Variants in KIRREL3 observed in about 807,000 individuals in gnomAD.
KIRREL3 encodes the protein kirre like nephrin family adhesion molecule 3.
A neutral mutation model predicts 89.7 loss-of-function variants in KIRREL3; 36 were observed. The observed-to-expected ratio is 0.40, with a 90% CI of 0.31 to 0.53. The LOEUF is 0.53. Among genes scored for constraint, KIRREL3 ranks in the 20% least tolerant of loss-of-function variants. The probability of loss-of-function intolerance (pLI) is 0.49; values close to 1 mark genes in which losing one functional copy is unlikely to be tolerated. For missense variants in KIRREL3, 864 were observed against 1,056.6 expected (o/e 0.82, Z 2.53); for synonymous variants, 445 against 441.4 (o/e 1.01, Z -0.10).
chr11:126,758,897 T>C (rs895725724), intron 1 of KIRREL3, among the ~76,000 whole-genome samples: 1 of 152,162 alleles, frequency 6.6e-6, no homozygotes, highest in African/African-American at 2.4e-5. Context: ...ATGAGACCTC[T>C]TGGAATTAGA....
rs1445599167 is a variant in KIRREL3, at chr11:126,729,284, C to G, written c.56-166372G>C. Among the ~76,000 whole-genome samples the G allele has an allele frequency of 6.6e-6, 1 of 152,118 alleles. No homozygotes were observed. The highest frequency in any genetic ancestry group is 1.5e-5 in the Non-Finnish European group (1 of 68,024). The stretch of plus-strand genomic sequence containing the variant: ...AGAAACAAGCACGCTGGCTTAACAA[C>G]AAATCTAATTCTTTTAGGGAAAAGA... On this transcript the variant is annotated intron_variant, in intron 1 of 16. Transcript: ENST00000525144. This position sits in a 1 kb window ranked among gnomAD's most constrained non-coding sequence, Gnocchi z 4.5.
chr11:126,702,227 C>T (rs1249146600), intron 1 of KIRREL3, among the ~76,000 whole-genome samples: 1 of 152,122 alleles, frequency 6.6e-6, no homozygotes, highest in African/African-American at 2.4e-5. Context: ...ATGTAAAATG[C>T]CTAGCAGGGG....
rs1402938592 is a variant in KIRREL3 at position 126,891,528 on chromosome 11, C to G, written c.55+108927G>C. Among the ~76,000 whole-genome samples, 1 of 152,190 alleles carries G rather than the reference C, an allele frequency of 6.6e-6. No homozygotes were observed. Among genetic ancestry groups the G allele is most frequent in the Non-Finnish European group, 1.5e-5 (1 of 68,040 alleles). ...CCACAGTCCCTGCCATGGATGGATT[C>G]CTTGGAAAGAGATGCACAGGGTGCT... On this transcript the variant is annotated intron_variant, in intron 1 of 16. Transcript: ENST00000525144. The surrounding 1 kb of genome is among the most constrained non-coding windows in gnomAD (Gnocchi z 5.1).
chr11:126,840,152 A>C (rs1414843252), intron 1 of KIRREL3, among the ~76,000 whole-genome samples: 2 of 152,230 alleles, frequency 1.3e-5, no homozygotes, highest in Non-Finnish European at 2.9e-5. Context: ...GGAGATGCAG[A>C]GTTTGAGCAC....
At chr11:126,625,405 AG>A (rs1943741356) in intron 1 of KIRREL3, among the ~76,000 whole-genome samples, 1 of 152,296 alleles carries the variant, frequency 6.6e-6, no homozygotes, top group Admixed American at 6.5e-5. Flanking sequence ...GGTCGTTGTA[AG>A]GAATAAATTA....
rs1206779606 is a variant in KIRREL3, at chr11:126,904,396, T to A, written c.55+96059A>T. 1.7e-4 allele frequency among the ~76,000 whole-genome samples: 26 copies of A among 152,224 alleles called. No individual in the cohort carries two copies. The highest frequency in any genetic ancestry group is 1.7e-3 in the Admixed American group (26 of 15,288). On this transcript the variant is annotated intron_variant, in intron 1 of 16. Transcript: ENST00000525144. The surrounding 1 kb of genome is among the most constrained non-coding windows in gnomAD (Gnocchi z 4.4). ...TCTTGATGTTTACTGCATCTCTGAC[T>A]GCAATAAGACTGATCACTAGTGGGG...
intron 4 of KIRREL3, among the ~76,000 whole-genome samples, chr11:126,481,464 GTCCACGGGCCT>G (rs1217736960): frequency 3.3e-5 from 5 of 152,180 alleles, no homozygotes; most frequent in Non-Finnish European, 5.9e-5. Flanking sequence ...TGACCCAACT[GTCCACGGGCCT>G]TCGAAGCTCA....
chr11:126,851,556 G>A lies in KIRREL3; in HGVS notation c.55+148899C>T, dbSNP rs538194561. The stretch of plus-strand genomic sequence containing the variant: ...CTCCCCGACTCTTACGCCACACAGC[G>A]TGTTTCAGACAGAGAGAACATCTCG... On this transcript the variant is annotated intron_variant, in intron 1 of 16. Coordinates refer to ENST00000525144, the MANE Select transcript of KIRREL3 (RefSeq NM_032531.4). Among the ~76,000 whole-genome samples the A allele has an allele frequency of 3.9e-5, 6 of 152,280 alleles. No individual in the cohort carries two copies. In the East Asian group the frequency reaches 5.8e-4, roughly 15 times the overall value.
intron 2 of KIRREL3, among the ~76,000 whole-genome samples, chr11:126,536,265 CTG>C (rs149581318): frequency 0.16 from 24,509 of 149,678 alleles, 2,106 homozygotes; most frequent in Middle Eastern, 0.21. Context: ...GTGTGTGTGT[CTG>C]TGTGTGTGTG....
chr11:126,799,348 ATCTCTGTGTGTATCTGTG>A (rs1950934172), intron 1 of KIRREL3, among the ~76,000 whole-genome samples: 1 of 60,500 alleles, frequency 1.7e-5, no homozygotes, highest in Non-Finnish European at 3.6e-5. Context: ...GCATGTGTGT[ATCTCTGTGTGTATCTGTG>A]TATCTGTGTG....
chr11:126,737,610 T>C (rs930299723), intron 1 of KIRREL3, among the ~76,000 whole-genome samples: 9 of 152,168 alleles, frequency 5.9e-5, no homozygotes, highest in African/African-American at 1.9e-4. Context: ...AGTGAGAGAC[T>C]CTCGAGACAC....
rs569207672 is a variant in KIRREL3, at chr11:126,601,305, C to T, written c.56-38393G>A. Among the ~76,000 whole-genome samples, 25 of 152,272 alleles carry T rather than the reference C, an allele frequency of 1.6e-4. No individual in the cohort carries two copies. Among genetic ancestry groups the T allele is most frequent in the Admixed American group, 1.2e-3 (18 of 15,294 alleles). ...GAAAACAACTGGCAGAGAGACTGAGCGGCAGCCGTGGGCATCTTGGGTTTT... is the reference window on the plus strand; with the variant it reads ...GAAAACAACTGGCAGAGAGACTGAGTGGCAGCCGTGGGCATCTTGGGTTTT... On this transcript the variant is annotated intron_variant, in intron 1 of 16. Coordinates refer to ENST00000525144, the MANE Select transcript of KIRREL3 (RefSeq NM_032531.4). The surrounding 1 kb of genome is among the most constrained non-coding windows in gnomAD (Gnocchi z 5.8).
Position 126,526,952 on chromosome 11 carries a change from CT to C in KIRREL3, c.134-266del, listed in dbSNP as rs1958782826. Among the ~76,000 whole-genome samples, 1 of 152,236 alleles carries C rather than the reference CT, an allele frequency of 6.6e-6. No individual in the cohort carries two copies. The highest frequency in any genetic ancestry group is 1.5e-5 in the Non-Finnish European group (1 of 68,038). On this transcript the variant is annotated intron_variant, in intron 2 of 16. Coordinates refer to ENST00000525144, the MANE Select transcript of KIRREL3 (RefSeq NM_032531.4). The surrounding 1 kb of genome is among the most constrained non-coding windows in gnomAD (Gnocchi z 5.7). ...ACTGGTCTAGCCACACCCCAGCTCC[CT>C]ATGGGCCATCTCCCTCCACCTTTGG...
rs1947666389 is a variant in KIRREL3 at position 126,709,364 on chromosome 11, C to A, written c.56-146452G>T. On this transcript the variant is annotated intron_variant, in intron 1 of 16. Transcript: ENST00000525144. The surrounding 1 kb of genome is among the most constrained non-coding windows in gnomAD (Gnocchi z 4.0). ...CGGGAGTAGGGGTGGAGGGGCAGCA[C>A]CCCCGGGCAGAAGATGCAGCCAAAC... is the stretch of plus-strand genomic sequence containing the variant. 6.6e-6 allele frequency among the ~76,000 whole-genome samples: 1 copy of A among 152,046 alleles called. No individual in the cohort carries two copies. Among genetic ancestry groups the A allele is most frequent in the South Asian group, 2.1e-4 (1 of 4,818 alleles).
chr11:126,502,407 G>A (rs185441776), intron 4 of KIRREL3, among the ~76,000 whole-genome samples: 2 of 152,336 alleles, frequency 1.3e-5, no homozygotes, highest in African/African-American at 2.4e-5. Flanking sequence ...CCCAGGCACA[G>A]TCAGAAGAAG....
intron 1 of KIRREL3, among the ~76,000 whole-genome samples, chr11:126,625,614 C>T (rs906947054): frequency 4.6e-5 from 7 of 152,192 alleles, no homozygotes; most frequent in Non-Finnish European, 8.8e-5. Flanking sequence ...CAATCTCTCC[C>T]CCAAGCCTGC....
chr11:126,553,246 A>G lies in KIRREL3; in HGVS notation c.133+9589T>C, dbSNP rs1199233121. The stretch of plus-strand genomic sequence containing the variant: ...AAATGATGGTCAGCTGTCCAAATGC[A>G]TACAATATCTTCTGTTCCATTTTTT... On this transcript the variant is annotated intron_variant, in intron 2 of 16. Transcript: ENST00000525144. This position sits in a 1 kb window ranked among gnomAD's most constrained non-coding sequence, Gnocchi z 4.7. Among the ~76,000 whole-genome samples, 1 of 150,744 alleles carries G rather than the reference A, an allele frequency of 6.6e-6. No individual in the cohort carries two copies. Among genetic ancestry groups the G allele is most frequent in the South Asian group, 2.1e-4 (1 of 4,808 alleles).
At chr11:126,572,027 G>A (rs758587098) in intron 1 of KIRREL3, among the ~76,000 whole-genome samples, 34 of 152,208 alleles carry the variant, frequency 2.2e-4, no homozygotes, top group Non-Finnish European at 4.4e-4. Flanking sequence ...GTTGGAAGTC[G>A]TGACTAGTGT....
rs1955045979 is a variant in KIRREL3, at chr11:126,429,303, G to A, written c.1697-15C>T. On this transcript the variant is annotated splice_polypyrimidine_tract_variant and intron_variant, in intron 14 of 16. Coordinates refer to ENST00000525144, the MANE Select transcript of KIRREL3 (RefSeq NM_032531.4). This position sits in a 1 kb window ranked among gnomAD's most constrained non-coding sequence, Gnocchi z 5.2. ...ACCTTTGAGATCTGGAGATAAAATA[G>A]TAAAGTGTAGATGATAGATTTAGTT... 6.4e-7 allele frequency: 1 copy of A among 1,556,238 alleles called. No individual in the cohort carries two copies. The highest frequency in any genetic ancestry group is 8.9e-7 in the Non-Finnish European group (1 of 1,127,466).
Sources: gnomAD v4.1 joint callset for allele counts (sites outside exome capture counted in the v4.1 genomes callset) on GRCh38, gnomAD v4.1.1 for gene constraint, Gnocchi (gnomAD v3.1) non-coding constraint, MANE v1.5 for transcripts, NCBI Gene and HGNC (gene_info 2026-07-23, HGNC 2026-07-21) for gene names.